Variants in IFRD1 observed in about 807,000 individuals in gnomAD.
IFRD1 encodes interferon related developmental regulator 1.
In IFRD1, 35 loss-of-function variants were observed where a neutral mutation model predicts 52.9. The ratio of observed to expected loss-of-function variants is 0.66; its 90% CI spans 0.51 to 0.88. The LOEUF (loss-of-function observed/expected upper bound fraction) is 0.88, where lower values mean the gene tolerates loss of function less well. Ranked by LOEUF, IFRD1 falls within the 40% of genes least tolerant of loss-of-function variation. The pLI is 0.00. For synonymous variants in IFRD1, 184 were observed against 188.4 expected, an observed-to-expected ratio of 0.98 and a Z score of 0.19; for missense variants, 517 against 550.8, an observed-to-expected ratio of 0.94 and a Z score of 0.61.
intron 1 of IFRD1, among the ~76,000 whole-genome samples, chr7:112,423,952 T>A (rs1329097309): frequency 6.6e-6 from 1 of 152,232 alleles, no homozygotes; most frequent in African/African-American, 2.4e-5. Flanking sequence ...GTTCAGTTGC[T>A]CACTGCTTGC....
At chr7:112,452,155 CT>C (rs11299789) in intron 1 of IFRD1, 457,596 of 756,990 alleles carry the variant, frequency 0.6, 94,816 homozygotes, top group African/African-American at 0.88. Flanking sequence ...ATTGAGGATA[CT>C]TTTTTTTTTT....
chr7:112,427,793 C>G (rs1237116209), intron 1 of IFRD1, among the ~76,000 whole-genome samples: 1 of 152,178 alleles, frequency 6.6e-6, no homozygotes, highest in Non-Finnish European at 1.5e-5. Flanking sequence ...TCAAAAATAT[C>G]TAGTGAGACC....
At chr7:112,440,886 A>G (rs1191068862) in intron 1 of IFRD1, among the ~76,000 whole-genome samples, 1 of 152,204 alleles carries the variant, frequency 6.6e-6, no homozygotes, top group Non-Finnish European at 1.5e-5. Context: ...CTGTAATCCC[A>G]GTACTTTGGG....
Position 112,457,152 on chromosome 7 carries a change from A to G in IFRD1, c.409+114A>G, listed in dbSNP as rs189364948. ...CACTGGCCCACTCTTAAAATTTTCT[A>G]ATAGTCAAGGAGTGCACCATCTTGT... On this transcript the variant is annotated intron_variant, in intron 4 of 11. Transcript: ENST00000403825. 258 of 1,127,888 alleles carry G rather than the reference A, an allele frequency of 2.3e-4. 1 individual carries two copies. The African/African-American group carries it at 3.8e-3, about 17-fold the overall frequency. 69.9% of individuals were successfully genotyped at this position (1,127,888 alleles called of 1,614,324 possible).
chr7:112,454,009 G>A (rs901801620), intron 1 of IFRD1, among the ~76,000 whole-genome samples: 7 of 152,048 alleles, frequency 4.6e-5, no homozygotes, highest in Admixed American at 4.6e-4. Flanking sequence ...GGTGACTCAC[G>A]GTCACTTTTG....
intron 1 of IFRD1, among the ~76,000 whole-genome samples, chr7:112,431,338 T>A (rs1427450311): frequency 6.6e-6 from 1 of 152,206 alleles, no homozygotes; most frequent in African/African-American, 2.4e-5. Context: ...ATTTGATAAT[T>A]CAGCATAACA....
Position 112,450,462 on chromosome 7 carries a change from C to T in IFRD1, c.-227C>T, listed in dbSNP as rs908872916. The T allele has an allele frequency of 3.3e-5, 19 of 581,734 alleles. No homozygotes were observed. The highest frequency in any genetic ancestry group is 4.4e-5 in the Non-Finnish European group (14 of 321,338). 36.0% of individuals were successfully genotyped at this position (581,734 alleles called of 1,614,324 possible). On this transcript the variant is annotated 5_prime_UTR_variant, in exon 1 of 12. Coordinates refer to ENST00000403825, the MANE Select transcript of IFRD1 (RefSeq NM_001550.4). ...GGCGTCGTGGCCTCCCCTGCCCCGCCTTAGCTCCCGCGCTAGAGAGAAACA... is the reference window on the plus strand; with the variant it reads ...GGCGTCGTGGCCTCCCCTGCCCCGCTTTAGCTCCCGCGCTAGAGAGAAACA...
intron 1 of IFRD1, among the ~76,000 whole-genome samples, chr7:112,423,771 A>G (rs2117213695): frequency 6.6e-6 from 1 of 152,356 alleles, no homozygotes; most frequent in Admixed American, 6.5e-5. Flanking sequence ...TCCCACCTAC[A>G]GGATTGCTCA....
At chr7:112,441,849 T>A (rs1794898110) in intron 1 of IFRD1, among the ~76,000 whole-genome samples, 1 of 152,172 alleles carries the variant, frequency 6.6e-6, no homozygotes, top group Non-Finnish European at 1.5e-5. Context: ...TAGTATATAG[T>A]GGACACCTGA....
upstream of IFRD1, chr7:112,446,142 T>A (rs1795024499): frequency 6.3e-6 from 1 of 158,066 alleles, no homozygotes; most frequent in Non-Finnish European, 1.4e-5. Context: ...TTAGTTCATG[T>A]CTTTTATTAA....
intron 1 of IFRD1, among the ~76,000 whole-genome samples, chr7:112,423,857 C>T (rs985205900): frequency 6.6e-6 from 1 of 152,162 alleles, no homozygotes; most frequent in Non-Finnish European, 1.5e-5. Context: ...TTATCATGTA[C>T]ATCTGGATTC....
chr7:112,462,628 G>A lies in IFRD1; in HGVS notation c.906+250G>A, dbSNP rs143022225. 1.1e-3 allele frequency among the ~76,000 whole-genome samples: 172 copies of A among 152,186 alleles called. 1 individual carries two copies. Among genetic ancestry groups the A allele is most frequent in the South Asian group, 2.1e-4 (1 of 4,812 alleles). On this transcript the variant is annotated intron_variant, in intron 8 of 11. Coordinates refer to ENST00000403825, the MANE Select transcript of IFRD1 (RefSeq NM_001550.4). ...TGCTATCTATAGAACTGAAGTTTAG[G>A]GATCCTCATGGAGAGAGTTTTGTCT...
chr7:112,463,191 G>A (rs2117313535), intron 8 of IFRD1, among the ~76,000 whole-genome samples: 1 of 152,242 alleles, frequency 6.6e-6, no homozygotes, highest in East Asian at 1.9e-4. Flanking sequence ...TCTTCACACT[G>A]AATCTGTGAA....
chr7:112,442,076 A>G (rs1216061291), intron 1 of IFRD1, among the ~76,000 whole-genome samples: 1 of 152,296 alleles, frequency 6.6e-6, no homozygotes, highest in East Asian at 1.9e-4. Context: ...CAGTCACCAA[A>G]CTAGTAAGTG....
In IFRD1 at chr7:112,472,769, A is replaced by C; in HGVS notation, c.1174A>C (p.Asn392His). ...CCACCTTTTTCTTTCACATAAGTCA[A>C]ATGAATTCCTTCGAAATGTATTTGA... ...GSGMQYHLQS[N>H]EFLRNVFELG... The change falls in exon 11 of 12, where the codon AAT (asparagine) becomes CAT (histidine). Residue 392 changes from asparagine to histidine, a missense_variant. Asn to His is a moderately conservative substitution (Grantham distance 68, BLOSUM62 1). Transcript: ENST00000403825. The C allele has an allele frequency of 6.2e-7, 1 of 1,603,052 alleles. No individual in the cohort carries two copies. Among genetic ancestry groups the C allele is most frequent in the Non-Finnish European group, 8.5e-7 (1 of 1,169,890 alleles).
At chr7:112,439,317 G>C (rs1320407019) in intron 1 of IFRD1, among the ~76,000 whole-genome samples, 1 of 152,076 alleles carries the variant, frequency 6.6e-6, no homozygotes, top group Non-Finnish European at 1.5e-5. Context: ...GGAAGTAGGG[G>C]GATAGTTCGG....
intron 9 of IFRD1, 109 bp from the exon 10 acceptor site, chr7:112,472,110 A>G: frequency 9.0e-7 from 1 of 1,115,742 alleles, no homozygotes; most frequent in Middle Eastern, 2.0e-4. Context: ...TTTAAGCCAT[A>G]TTGTTCATTT....
chr7:112,426,444 T>C (rs1221917632), intron 1 of IFRD1, among the ~76,000 whole-genome samples: 2 of 152,202 alleles, frequency 1.3e-5, no homozygotes, highest in Non-Finnish European at 2.9e-5. Flanking sequence ...ACAGAATGGG[T>C]AGTAACTTAC....
At chr7:112,452,268 C>G (rs1207628096) in intron 1 of IFRD1, 1 of 315,502 alleles carries the variant, frequency 3.2e-6, no homozygotes, top group Non-Finnish European at 4.6e-6. Flanking sequence ...GCTCAAGCAG[C>G]TCTCCCTCCT....
Sources: gnomAD v4.1 joint callset for allele counts (sites outside exome capture counted in the v4.1 genomes callset) on GRCh38, gnomAD v4.1.1 for gene constraint, MANE v1.5 for transcripts, NCBI Gene and HGNC (gene_info 2026-07-23, HGNC 2026-07-21) for gene names.